Variants in ACSS1 observed in about 807,000 individuals in gnomAD.
ACSS1 encodes the protein acetyl-coenzyme A synthetase 2-like, mitochondrial.
Under a neutral mutation model 75.3 loss-of-function variants are expected in ACSS1, and 42 were observed. That is an observed-to-expected ratio of 0.56 (90% CI 0.44 to 0.72). ACSS1 has a LOEUF of 0.72. Ranked by LOEUF, ACSS1 falls within the 30% of genes least tolerant of loss-of-function variation. ACSS1 has a pLI of 0.00. For missense variants in ACSS1, 782 were observed against 935.7 expected (o/e 0.84, Z 2.14); for synonymous variants, 380 against 376.8 (o/e 1.01, Z -0.10).
intron 9 of ACSS1, 30 bp from the exon 10 acceptor site, chr20:25,013,692 G>A (rs1325933805): frequency 6.3e-7 from 1 of 1,578,096 alleles, no homozygotes. Flanking sequence ...AAGTGAGACA[G>A]GGCAGGCTCT....
At position 25,030,894 on chromosome 20, in the gene ACSS1, C is replaced by T; in HGVS notation, c.496G>A (p.Asp166Asn). 1 of 1,614,236 alleles carries T rather than the reference C, an allele frequency of 6.2e-7. No individual in the cohort carries two copies. Residue 166 changes from aspartate (D) to asparagine (N), a missense_variant, in exon 3 of 14, where the codon GAC becomes AAC. Around this residue, in one of 2 missense-constraint regions of ACSS1, gnomAD observed 377 missense variants for 383.1 expected, o/e 0.98. Coordinates refer to ENST00000323482, the MANE Select transcript of ACSS1 (RefSeq NM_032501.4). ...ACGGGCATGTAGATGGCAACACGGT[C>T]CCCACGGTGGACTCCATGCCTCTTC... is the stretch of plus-strand genomic sequence containing the variant. ...TLKRHGVHRG[D>N]RVAIYMPVSP...
At chr20:25,040,689 T>C (rs1467205665) in intron 2 of ACSS1, among the ~76,000 whole-genome samples, 1 of 152,166 alleles carries the variant, frequency 6.6e-6, no homozygotes, top group Non-Finnish European at 1.5e-5. Context: ...ACAAGGAAGA[T>C]ATGCACACAC....
At chr20:25,045,400 TGAC>T in intron 2 of ACSS1, among the ~76,000 whole-genome samples, 1 of 152,172 alleles carries the variant, frequency 6.6e-6, no homozygotes, top group South Asian at 2.1e-4. Flanking sequence ...CTGCCTGTGC[TGAC>T]CCAGCGTCAC....
chr20:25,026,072 A>C (rs1026326563), intron 3 of ACSS1, among the ~76,000 whole-genome samples: 10 of 152,056 alleles, frequency 6.6e-5, no homozygotes, highest in African/African-American at 2.2e-4. Flanking sequence ...TCCACTCCTC[A>C]AGCAGCCTAA....
chr20:25,037,983 T>C (rs2088942834), intron 2 of ACSS1, among the ~76,000 whole-genome samples: 1 of 152,234 alleles, frequency 6.6e-6, no homozygotes, highest in Admixed American at 6.5e-5. Context: ...CGTCATTATT[T>C]GATGTCATGA....
intron 7 of ACSS1, among the ~76,000 whole-genome samples, chr20:25,019,265 C>T (rs1346161173): frequency 3.9e-5 from 6 of 152,224 alleles, no homozygotes; most frequent in African/African-American, 1.2e-4. Flanking sequence ...AGCACCCAGT[C>T]CCTCCCAGCA....
chr20:25,050,389 AT>A (rs2089159068), intron 1 of ACSS1, among the ~76,000 whole-genome samples: 1 of 151,792 alleles, frequency 6.6e-6, no homozygotes, highest in African/African-American at 2.4e-5. Context: ...TGCACCCACC[AT>A]CCCCCCCGGG....
At chr20:25,046,741 GT>G in intron 2 of ACSS1, 1 of 771,098 alleles carries the variant, frequency 1.3e-6, no homozygotes, top group Non-Finnish European at 2.4e-6. Context: ...AGCAGCTTGG[GT>G]CTTCAGAGCC....
chr20:25,035,476 G>A (rs540991365), intron 2 of ACSS1, among the ~76,000 whole-genome samples: 6 of 151,152 alleles, frequency 4.0e-5, no homozygotes, highest in African/African-American at 7.3e-5. Context: ...TGCCATCTCC[G>A]CTCACTGCAA....
In ACSS1 at chr20:25,009,383, A is replaced by G; in HGVS notation, c.1777T>C (p.Phe593Leu). Residue 593 changes from phenylalanine to leucine, a missense_variant, in exon 13 of 14, where the codon TTT (phenylalanine) becomes CTT (leucine). By Grantham distance (22) the Phe-to-Leu change is conservative. This residue lies in a region of ACSS1 where 405 missense variants were observed against 552.6 expected (regional missense o/e 0.73). Coordinates refer to ENST00000323482, the MANE Select transcript of ACSS1 (RefSeq NM_032501.4). ...CTATCTTTCACCACAATGAAGGCAA[A>G]GGCAGCTGAAAATAAAGCCAAGTTT... ...YPHDIKGEAA[F>L]AFIVVKDSAG... 6.2e-7 allele frequency: 1 copy of G among 1,613,892 alleles called. No individual in the cohort carries two copies. Among genetic ancestry groups the G allele is most frequent in the East Asian group, 2.2e-5 (1 of 44,888 alleles).
In ACSS1 at chr20:25,058,040, C is replaced by G. The variant is rs975410656; in HGVS notation, c.63G>C (p.Ser21=). ...CGCACGGCGGCCGCGCGGGCTGCCC[C>G]GAGAGCCCTCGCAGGCTGCCCAGCA... ...GRLLGSLRGL[S]GQPARPPCGV... The change falls in exon 1 of 14, where the codon TCG becomes TCC. Residue 21 remains serine, a synonymous_variant. Coordinates refer to ENST00000323482, the MANE Select transcript of ACSS1 (RefSeq NM_032501.4). The G allele has an allele frequency of 4.4e-6, 6 of 1,358,896 alleles. No homozygotes were observed. The African/African-American group carries it at 6.2e-5, about 14-fold the overall frequency. The allele number at this position is 1,358,896 out of a possible 1,614,324, so 84.2% of individuals were successfully genotyped here.
chr20:25,007,242 A>G lies in ACSS1; in HGVS notation c.*520T>C. On this transcript the variant is annotated 3_prime_UTR_variant, in exon 14 of 14. Coordinates refer to ENST00000323482, the MANE Select transcript of ACSS1 (RefSeq NM_032501.4). ...GTTTCCTCACCAGTAGAGGCAAAAA[A>G]GGAGATTTTCATAACTACATGTTAA... 1 of 1,158,102 alleles carries G rather than the reference A, an allele frequency of 8.6e-7. No individual in the cohort carries two copies. The highest frequency in any genetic ancestry group is 1.1e-6 in the Non-Finnish European group (1 of 938,032). The allele number at this position is 1,158,102 out of a possible 1,614,324, so 71.7% of individuals were successfully genotyped here.
intron 8 of ACSS1, among the ~76,000 whole-genome samples, 165 bp downstream of exon 8, chr20:25,014,973 G>A (rs766278283): frequency 1.3e-5 from 2 of 152,350 alleles, no homozygotes; most frequent in Non-Finnish European, 2.9e-5. Context: ...GCAGCCAGGC[G>A]ACCTCTGAGT....
At chr20:25,039,284 G>T (rs547404431) in intron 2 of ACSS1, among the ~76,000 whole-genome samples, 3 of 152,288 alleles carry the variant, frequency 2.0e-5, no homozygotes, top group African/African-American at 7.2e-5. Flanking sequence ...CCAGCTCCAG[G>T]GGCCTTGCTG....
intron 2 of ACSS1, among the ~76,000 whole-genome samples, chr20:25,034,095 G>A (rs2088871105): frequency 6.6e-6 from 1 of 152,134 alleles, no homozygotes; most frequent in Non-Finnish European, 1.5e-5. Context: ...CTCTGCCAAG[G>A]TCATAAACCT....
chr20:25,050,869 A>G (rs1395329237), intron 1 of ACSS1, among the ~76,000 whole-genome samples: 4 of 152,128 alleles, frequency 2.6e-5, no homozygotes, highest in African/African-American at 9.7e-5. Context: ...CCCAGGATGG[A>G]CAGCACCCAG....
intron 7 of ACSS1, among the ~76,000 whole-genome samples, chr20:25,019,474 A>G (rs2088578237): frequency 6.6e-6 from 1 of 152,244 alleles, no homozygotes. Flanking sequence ...GGAGACAATC[A>G]AAAGGTCCAA....
At chr20:25,018,142 G>T (rs1036308986) in intron 7 of ACSS1, among the ~76,000 whole-genome samples, 8 of 152,192 alleles carry the variant, frequency 5.3e-5, no homozygotes, top group African/African-American at 1.9e-4. Flanking sequence ...TTAAGAGGTG[G>T]AACCTTTATG....
intron 2 of ACSS1, among the ~76,000 whole-genome samples, chr20:25,035,123 C>G (rs957749566): frequency 2.6e-5 from 4 of 151,916 alleles, no homozygotes; most frequent in African/African-American, 9.7e-5. Context: ...TCTCAATCTC[C>G]TGACCTCATG....
Sources: gnomAD v4.1 joint callset for allele counts (sites outside exome capture counted in the v4.1 genomes callset) on GRCh38, gnomAD v4.1.1 for gene constraint, gnomAD v4.1.1 regional missense constraint, MANE v1.5 for transcripts, NCBI Gene and HGNC (gene_info 2026-07-23, HGNC 2026-07-21) for gene names.